The following SPSB4 variants were observed in gnomAD, a reference collection of about 807,000 sequenced individuals.
SPSB4 encodes SPRY domain-containing SOCS box protein 4.
A neutral mutation model predicts 20.9 loss-of-function variants in SPSB4; 21 were observed. That is an observed-to-expected ratio of 1.01 (90% CI 0.71 to 1.45). SPSB4 has a LOEUF of 1.45. Ranked by LOEUF, SPSB4 falls within the 40% of genes most tolerant of loss-of-function variation. SPSB4 has a pLI of 0.00. For missense variants in SPSB4, 399 were observed against 399.2 expected, an observed-to-expected ratio of 1.00 and a Z score of 0.00; for synonymous variants, 207 against 183.8, an observed-to-expected ratio of 1.13 and a Z score of -1.02.
intron 2 of SPSB4, among the ~76,000 whole-genome samples, chr3:141,143,760 G>A (rs1182503938): frequency 6.6e-6 from 1 of 152,212 alleles, no homozygotes; most frequent in Non-Finnish European, 1.5e-5. Context: ...CCAGGAGGTG[G>A]TGCTTTCAAG....
Position 141,066,286 on chromosome 3 carries a change from G to A in SPSB4, c.182G>A (p.Arg61His), listed in dbSNP as rs139284721. The change falls in exon 2 of 3, where the codon CGC becomes CAC. Residue 61 changes from arginine (R) to histidine (H), a missense_variant. Arg to His is a conservative substitution (Grantham distance 29). Transcript: ENST00000310546. ...CGGCACGCGTGGAACCCCGAGGACCGCTCGCTCAACGTCTTCGTCAAGGAC... is the reference window on the plus strand; with the variant it reads ...CGGCACGCGTGGAACCCCGAGGACCACTCGCTCAACGTCTTCGTCAAGGAC... ...QLRHAWNPED[R>H]SLNVFVKDDD... The A allele has an allele frequency of 2.9e-4, 451 of 1,566,480 alleles. No individual in the cohort carries two copies. The African/African-American group carries it at 5.5e-3, about 19-fold the overall frequency.
chr3:141,079,176 G>T (rs1282473952), intron 2 of SPSB4, among the ~76,000 whole-genome samples: 1 of 151,856 alleles, frequency 6.6e-6, no homozygotes, highest in African/African-American at 2.4e-5. Flanking sequence ...CAGGAGGATG[G>T]CGTGAACCCG....
intron 2 of SPSB4, among the ~76,000 whole-genome samples, chr3:141,094,222 G>A (rs566014354): frequency 1.1e-4 from 17 of 152,296 alleles, no homozygotes; most frequent in Non-Finnish European, 1.8e-4. Flanking sequence ...GTCTCCTCCC[G>A]CCATGGCCCT....
In SPSB4 at chr3:141,146,664, C is replaced by T. The variant is rs147378327; in HGVS notation, c.695-478C>T. 4.2e-3 allele frequency among the ~76,000 whole-genome samples: 633 copies of T among 151,814 alleles called. 5 individuals carry two copies. The highest frequency in any genetic ancestry group is 0.014 in the African/African-American group (574 of 41,364). The stretch of plus-strand genomic sequence containing the variant: ...TGGCGGGTGCCTGTAGTCCCAGCTA[C>T]TAGGGAGGCTGAGGCAGGAGAATGG... On this transcript the variant is annotated intron_variant, in intron 2 of 2. Coordinates refer to ENST00000310546, the MANE Select transcript of SPSB4 (RefSeq NM_080862.3).
At chr3:141,061,660 C>T (rs891743394) in intron 1 of SPSB4, among the ~76,000 whole-genome samples, 2 of 150,618 alleles carry the variant, frequency 1.3e-5, no homozygotes, top group Admixed American at 6.6e-5. Context: ...TTCAGATTTC[C>T]TTTTTTTCTC....
chr3:141,075,892 CA>C (rs532646509), intron 2 of SPSB4, among the ~76,000 whole-genome samples: 13,750 of 68,634 alleles, frequency 0.2, 608 homozygotes, highest in East Asian at 0.37. Flanking sequence ...ACTAAAAATA[CA>C]AAAAAAAAAA....
At chr3:141,077,622 G>C (rs1031020680) in intron 2 of SPSB4, 1 of 152,306 alleles carries the variant, frequency 6.6e-6, no homozygotes, top group African/African-American at 2.4e-5. Context: ...CTGGGGTAGA[G>C]GACAGCTCTC....
intron 2 of SPSB4, among the ~76,000 whole-genome samples, chr3:141,119,344 T>C (rs1938927963): frequency 6.6e-6 from 1 of 152,242 alleles, no homozygotes; most frequent in Admixed American, 6.5e-5. Flanking sequence ...TGATTTTGTA[T>C]CCTGAGACTT....
At chr3:141,118,266 A>G (rs1938911844) in intron 2 of SPSB4, among the ~76,000 whole-genome samples, 1 of 152,138 alleles carries the variant, frequency 6.6e-6, no homozygotes. Context: ...ATTTTTTCAT[A>G]TGTCTGTTGG....
intron 1 of SPSB4, among the ~76,000 whole-genome samples, chr3:141,052,714 A>AT (rs762674081): frequency 2.0e-4 from 30 of 152,152 alleles, no homozygotes; most frequent in Non-Finnish European, 2.2e-4. Flanking sequence ...CCTTGCTTGA[A>AT]TACAAACTTG....
intron 2 of SPSB4, among the ~76,000 whole-genome samples, chr3:141,128,288 G>A (rs1483141371): frequency 6.6e-6 from 1 of 152,122 alleles, no homozygotes; most frequent in Non-Finnish European, 1.5e-5. Flanking sequence ...GAGCCTGAGT[G>A]ATGAGAAAGT....
chr3:141,116,302 T>A (rs1445849916), intron 2 of SPSB4, among the ~76,000 whole-genome samples: 1 of 152,164 alleles, frequency 6.6e-6, no homozygotes, highest in Non-Finnish European at 1.5e-5. Context: ...TCAGGCCAAA[T>A]CCCAGTTGGA....
At chr3:141,126,393 C>T (rs115537112) in intron 2 of SPSB4, among the ~76,000 whole-genome samples, 230 of 152,256 alleles carry the variant, frequency 1.5e-3, no homozygotes, top group Non-Finnish European at 2.4e-3. Flanking sequence ...GGAGAGAAGA[C>T]GGAGCAGCCT....
At chr3:141,135,225 G>A (rs1939206103) in intron 2 of SPSB4, among the ~76,000 whole-genome samples, 1 of 151,880 alleles carries the variant, frequency 6.6e-6, no homozygotes, top group Admixed American at 6.6e-5. Flanking sequence ...TGATTTATAA[G>A]ATCAGTTATG....
intron 2 of SPSB4, among the ~76,000 whole-genome samples, chr3:141,140,912 T>C (rs1939315184): frequency 6.6e-6 from 1 of 152,268 alleles, no homozygotes; most frequent in Admixed American, 6.5e-5. Context: ...TGTTTGTCTG[T>C]GCCCTGCCCC....
chr3:141,078,973 C>T (rs1051758225), intron 2 of SPSB4, among the ~76,000 whole-genome samples: 1 of 152,146 alleles, frequency 6.6e-6, no homozygotes, highest in African/African-American at 2.4e-5. Context: ...ATGAAAAGCA[C>T]ATTTGGGGCC....
chr3:141,055,158 A>G (rs1937617595), intron 1 of SPSB4, among the ~76,000 whole-genome samples: 1 of 152,202 alleles, frequency 6.6e-6, no homozygotes, highest in South Asian at 2.1e-4. Flanking sequence ...GCAGGAATCA[A>G]CAGCTAAGAT....
intron 2 of SPSB4, among the ~76,000 whole-genome samples, chr3:141,139,568 AGTAT>A (rs1354445077): frequency 6.6e-6 from 1 of 152,124 alleles, no homozygotes; most frequent in Non-Finnish European, 1.5e-5. Context: ...TTGTCTGTGA[AGTAT>A]TTTATTTCTC....
At chr3:141,086,995 C>A (rs1417583307) in intron 2 of SPSB4, among the ~76,000 whole-genome samples, 1 of 152,134 alleles carries the variant, frequency 6.6e-6, no homozygotes, top group Admixed American at 6.5e-5. Flanking sequence ...GAGGAGCAGG[C>A]CCTGCGTTTA....
Sources: gnomAD v4.1 joint callset for allele counts (sites outside exome capture counted in the v4.1 genomes callset) on GRCh38, gnomAD v4.1.1 for gene constraint, MANE v1.5 for transcripts, NCBI Gene and HGNC (gene_info 2026-07-23, HGNC 2026-07-21) for gene names.